The following SNRPN variants were observed in gnomAD, a reference collection of about 807,000 sequenced individuals.
The protein encoded by SNRPN is small nuclear ribonucleoprotein-associated protein N.
A neutral mutation model predicts 25.2 loss-of-function variants in SNRPN; 7 were observed. The ratio of observed to expected loss-of-function variants is 0.28; its 90% CI spans 0.16 to 0.52. The LOEUF is 0.52. Ranked by LOEUF, SNRPN falls within the 20% of genes least tolerant of loss-of-function variation. The probability of loss-of-function intolerance (pLI) is 0.96; values close to 1 mark genes in which losing one functional copy is unlikely to be tolerated. For synonymous variants in SNRPN, 124 were observed against 110.6 expected (o/e 1.12, Z -0.76); for missense variants, 196 against 322.5 (o/e 0.61, Z 3.00).
At chr15:24,879,263 C>A (rs1376493302) in intron 1 of SNRPN, among the ~76,000 whole-genome samples, 1 of 151,890 alleles carries the variant, frequency 6.6e-6, no homozygotes, top group Non-Finnish European at 1.5e-5. Flanking sequence ...GGTGAAACCT[C>A]GTCTCTACTA....
intron 1 of SNRPN, among the ~76,000 whole-genome samples, chr15:24,956,292 A>G (rs995679072): frequency 5.5e-5 from 8 of 146,744 alleles, no homozygotes; most frequent in Non-Finnish European, 7.5e-5. Context: ...CGTCACTGCC[A>G]TTGTGCAGCT....
At chr15:24,928,534 T>TTAA (rs1195316430) in intron 3 of SNRPN, among the ~76,000 whole-genome samples, 2 of 151,882 alleles carry the variant, frequency 1.3e-5, no homozygotes, top group East Asian at 3.9e-4. Flanking sequence ...AGAATTGTGA[T>TTAA]TAATAATCAC....
At chr15:24,911,231 A>T (rs2059195167) in intron 2 of SNRPN, 6 of 447,198 alleles carry the variant, frequency 1.3e-5, no homozygotes. Context: ...CCTTGTAAAG[A>T]ATTTTTTAAA....
intron 2 of SNRPN, among the ~76,000 whole-genome samples, chr15:24,963,618 A>C (rs956852620): frequency 1.6e-5 from 2 of 125,034 alleles, no homozygotes; most frequent in Non-Finnish European, 3.2e-5. Flanking sequence ...CCATCTCAGG[A>C]AAAAAAAAAA....
chr15:24,901,739 T>A (rs1002890032), intron 2 of SNRPN, among the ~76,000 whole-genome samples: 21 of 152,194 alleles, frequency 1.4e-4, no homozygotes, highest in African/African-American at 5.1e-4. Context: ...AACATCAGTT[T>A]CTGAAGTAAA....
chr15:24,872,532 G>A (rs1485610338), intron 1 of SNRPN, among the ~76,000 whole-genome samples: 1 of 110,548 alleles, frequency 9.0e-6, no homozygotes, highest in Non-Finnish European at 1.9e-5. Flanking sequence ...GATCACCTGA[G>A]GTTGGGAGTT....
chr15:24,935,929 C>G (rs1400704566), intron 3 of SNRPN, among the ~76,000 whole-genome samples: 2 of 151,972 alleles, frequency 1.3e-5, no homozygotes, highest in Non-Finnish European at 2.9e-5. Flanking sequence ...GCCTGGCCAA[C>G]ATAGTGAAAA....
chr15:24,950,863 T>G (rs2062210291), upstream of SNRPN, among the ~76,000 whole-genome samples: 1 of 151,482 alleles, frequency 6.6e-6, no homozygotes, highest in South Asian at 2.1e-4. Context: ...GTTTTCCTTT[T>G]TTTTTTTTTT....
chr15:24,940,566 G>A (rs534481533), intron 3 of SNRPN, among the ~76,000 whole-genome samples: 1 of 152,180 alleles, frequency 6.6e-6, no homozygotes, highest in East Asian at 1.9e-4. Context: ...TCTATGTTTT[G>A]CATTCTTTTT....
chr15:24,848,178 C>G lies in SNRPN; in HGVS notation c.-579+18273C>G, dbSNP rs576689320. ...CACTGTCCGGTGCGGCCAACCAGCT[C>G]GTGGTGCGCTGTGGGAAGGTCACAG... is the stretch of plus-strand genomic sequence containing the variant. On this transcript the variant is annotated intron_variant, in intron 2 of 12. Coordinates refer to the SNRPN transcript ENST00000400100. Among the ~76,000 whole-genome samples the G allele has an allele frequency of 4.1e-3, 550 of 133,648 alleles. 3 individuals carry two copies. The highest frequency in any genetic ancestry group is 0.014 in the African/African-American group (516 of 37,384). 87.7% of individuals were successfully genotyped at this position (133,648 alleles called of 152,430 possible).
At chr15:24,922,934 C>CTCTATTG (rs1366368331) in intron 3 of SNRPN, among the ~76,000 whole-genome samples, 1 of 108,762 alleles carries the variant, frequency 9.2e-6, no homozygotes, top group East Asian at 3.2e-4. Context: ...CAGAGTCTCG[C>CTCTATTG]TCTATTGCTC....
intron 1 of SNRPN, among the ~76,000 whole-genome samples, chr15:24,863,137 T>A (rs1172634111): frequency 6.7e-6 from 1 of 150,242 alleles, no homozygotes; most frequent in African/African-American, 2.5e-5. Flanking sequence ...GAAGGAGCAG[T>A]AGCATTACCA....
intron 2 of SNRPN, among the ~76,000 whole-genome samples, chr15:24,892,957 C>T (rs550023160): frequency 6.0e-4 from 92 of 152,114 alleles, no homozygotes; most frequent in African/African-American, 2.0e-3. Flanking sequence ...GCCTGTAATC[C>T]CAGCACTTTG....
chr15:24,881,378 A>AAAC (rs1555387989), intron 1 of SNRPN, among the ~76,000 whole-genome samples: 1 of 151,214 alleles, frequency 6.6e-6, no homozygotes, highest in Non-Finnish European at 1.5e-5. Flanking sequence ...CAAAAAAAAA[A>AAAC]CAATGAGCTG....
chr15:24,962,365 C>A (rs893762635), intron 2 of SNRPN, among the ~76,000 whole-genome samples, 156 bp downstream of exon 2: 2 of 152,162 alleles, frequency 1.3e-5, no homozygotes, highest in African/African-American at 4.8e-5. Flanking sequence ...AATTCTTAAC[C>A]ATATTATCCT....
intron 2 of SNRPN, among the ~76,000 whole-genome samples, chr15:24,836,840 T>C (rs2051243688): frequency 6.6e-6 from 1 of 152,156 alleles, no homozygotes; most frequent in South Asian, 2.1e-4. Context: ...CAAAAGGGTA[T>C]GATCTAATGG....
chr15:24,929,970 G>A lies in SNRPN; in HGVS notation c.-391+9846G>A, dbSNP rs893515779. On this transcript the variant is annotated intron_variant, in intron 3 of 11. Transcript: ENST00000400097. This position sits in a 1 kb window ranked among gnomAD's most constrained non-coding sequence, Gnocchi z 5.3. ...TGGGAGGCCAAGGCGGGTGGATCAC[G>A]AGGTCAGGAGATCAAGACCCTCCTG... Among the ~76,000 whole-genome samples the A allele has an allele frequency of 1.2e-4, 18 of 151,548 alleles. No homozygotes were observed. Among genetic ancestry groups the A allele is most frequent in the African/African-American group, 3.1e-4 (13 of 41,328 alleles).
intron 2 of SNRPN, among the ~76,000 whole-genome samples, chr15:24,837,450 G>GC (rs2051298280): frequency 6.7e-6 from 1 of 149,696 alleles, no homozygotes; most frequent in Admixed American, 6.7e-5. Flanking sequence ...CTCACTGCAA[G>GC]CTCCGCCTCC....
At chr15:24,938,277 C>G (rs1196526847) in intron 3 of SNRPN, among the ~76,000 whole-genome samples, 2 of 152,098 alleles carry the variant, frequency 1.3e-5, no homozygotes, top group Non-Finnish European at 2.9e-5. Context: ...CAGGCTCAAA[C>G]CAACACACCA....
Sources: gnomAD v4.1 joint callset for allele counts (sites outside exome capture counted in the v4.1 genomes callset) on GRCh38, gnomAD v4.1.1 for gene constraint, Gnocchi (gnomAD v3.1) non-coding constraint, MANE v1.5 for transcripts, NCBI Gene and HGNC (gene_info 2026-07-23, HGNC 2026-07-21) for gene names.